TBL1XR1: variants seen among roughly 807,000 people sequenced by gnomAD.
The protein encoded by TBL1XR1 is TBL1X/Y related 1.
A neutral mutation model predicts 66.9 loss-of-function variants in TBL1XR1; 5 were observed. The observed-to-expected ratio is 0.07, with a 90% CI of 0.04 to 0.16. The LOEUF (loss-of-function observed/expected upper bound fraction) is 0.16, where lower values mean the gene tolerates loss of function less well. Ranked by LOEUF, TBL1XR1 falls within the 10% of genes least tolerant of loss-of-function variation. The pLI, the probability that TBL1XR1 is intolerant of heterozygous loss-of-function variation, is 1.00. For synonymous variants in TBL1XR1, 210 were observed against 206.0 expected, an observed-to-expected ratio of 1.02 and a Z score of -0.17; for missense variants, 238 against 623.2, an observed-to-expected ratio of 0.38 and a Z score of 6.58.
At chr3:177,174,753 A>G (rs1030714020) in intron 1 of TBL1XR1, among the ~76,000 whole-genome samples, 3 of 152,128 alleles carry the variant, frequency 2.0e-5, no homozygotes, top group Non-Finnish European at 2.9e-5. Flanking sequence ...TACCAGCTCA[A>G]CTTTCTCCCC....
chr3:177,092,441 A>G (rs1722953843), intron 2 of TBL1XR1, among the ~76,000 whole-genome samples: 1 of 152,188 alleles, frequency 6.6e-6, no homozygotes, highest in South Asian at 2.1e-4. Flanking sequence ...GACAAATAAA[A>G]GGGAAAAAAT....
intron 1 of TBL1XR1, among the ~76,000 whole-genome samples, chr3:177,119,898 A>G (rs1726776923): frequency 6.6e-6 from 1 of 152,190 alleles, no homozygotes; most frequent in Admixed American, 6.5e-5. Flanking sequence ...TAGTTACTTC[A>G]AATTTCAGGG....
In TBL1XR1 at chr3:177,065,035, C is replaced by A; in HGVS notation, c.-45-13G>T. ...ACAGGATATAACCCTAAAAATAAAA[C>A]AAAGTTAATTATTTTCTCAGTAAAA... On this transcript the variant is annotated splice_polypyrimidine_tract_variant and intron_variant, in intron 2 of 15. Coordinates refer to ENST00000457928, the MANE Select transcript of TBL1XR1 (RefSeq NM_024665.7). 1 of 1,355,266 alleles carries A rather than the reference C, an allele frequency of 7.4e-7. No individual in the cohort carries two copies. 84.0% of individuals were successfully genotyped at this position (1,355,266 alleles called of 1,614,324 possible). A position where few individuals can be genotyped will look rare whatever the true frequency, so the allele number is the denominator to read the frequency against.
At chr3:177,092,106 C>T (rs986862271) in intron 2 of TBL1XR1, among the ~76,000 whole-genome samples, 3 of 152,152 alleles carry the variant, frequency 2.0e-5, no homozygotes, top group Non-Finnish European at 2.9e-5. Context: ...AACGGTTTAG[C>T]GCTCCCATTG....
At chr3:177,061,782 T>C (rs1353469204) in intron 3 of TBL1XR1, among the ~76,000 whole-genome samples, 1 of 152,214 alleles carries the variant, frequency 6.6e-6, no homozygotes, top group Non-Finnish European at 1.5e-5. Flanking sequence ...TCAATAAGTA[T>C]CATTTGTAGG....
chr3:177,096,077 G>A (rs1723441581), intron 2 of TBL1XR1, among the ~76,000 whole-genome samples: 1 of 152,138 alleles, frequency 6.6e-6, no homozygotes, highest in South Asian at 2.1e-4. Context: ...AGAGGTAACT[G>A]TATATAATCC....
chr3:177,129,648 T>A (rs1308473105), intron 1 of TBL1XR1, among the ~76,000 whole-genome samples: 1 of 152,204 alleles, frequency 6.6e-6, no homozygotes, highest in Non-Finnish European at 1.5e-5. Flanking sequence ...CTTCACCATC[T>A]GTAGTCTGTA....
intron 2 of TBL1XR1, among the ~76,000 whole-genome samples, chr3:177,098,160 G>A (rs1185785585): frequency 3.3e-5 from 5 of 151,816 alleles, no homozygotes; most frequent in Admixed American, 6.6e-5. Flanking sequence ...TGCAGTGAGC[G>A]GAGATCACGC....
intron 1 of TBL1XR1, among the ~76,000 whole-genome samples, chr3:177,137,923 T>C (rs1366565504): frequency 2.6e-5 from 4 of 152,200 alleles, no homozygotes; most frequent in Non-Finnish European, 5.9e-5. Flanking sequence ...TGAGCTGTGA[T>C]CATACCACTG....
chr3:177,200,800 G>C (rs1285253995), upstream of TBL1XR1, among the ~76,000 whole-genome samples: 1 of 152,194 alleles, frequency 6.6e-6, no homozygotes, highest in Non-Finnish European at 1.5e-5. Flanking sequence ...GAGGTCGGGA[G>C]TTCAAGACCA....
At chr3:177,154,694 C>T (rs756310909) in intron 1 of TBL1XR1, among the ~76,000 whole-genome samples, 1 of 151,968 alleles carries the variant, frequency 6.6e-6, no homozygotes, top group Non-Finnish European at 1.5e-5. Context: ...CGCGCCCGGC[C>T]GACAGAACTT....
Position 177,114,246 on chromosome 3 carries a change from AC to A in TBL1XR1, c.-121-15706del, listed in dbSNP as rs980901457. On this transcript the variant is annotated intron_variant, in intron 1 of 15. Transcript: ENST00000457928. ...ATATACATACACATCATATATATAT[AC>A]ATCTCATATATATAATCATATATAT... Among the ~76,000 whole-genome samples, 285 of 151,350 alleles carry A rather than the reference AC, an allele frequency of 1.9e-3. 1 individual carries two copies. Among genetic ancestry groups the A allele is most frequent in the African/African-American group, 6.7e-3 (276 of 41,336 alleles).
At chr3:177,105,955 C>G (rs986368209) in intron 1 of TBL1XR1, among the ~76,000 whole-genome samples, 5 of 151,572 alleles carry the variant, frequency 3.3e-5, no homozygotes, top group African/African-American at 1.2e-4. Context: ...GAGAGGTGTT[C>G]AGAACTAGAG....
intron 1 of TBL1XR1, among the ~76,000 whole-genome samples, chr3:177,137,529 A>C (rs1440611041): frequency 6.6e-6 from 1 of 152,254 alleles, no homozygotes; most frequent in African/African-American, 2.4e-5. Context: ...AATTAAAAAT[A>C]AAATCAAACA....
intron 1 of TBL1XR1, among the ~76,000 whole-genome samples, chr3:177,135,192 G>C (rs1728786318): frequency 6.7e-6 from 1 of 149,628 alleles, no homozygotes; most frequent in South Asian, 2.1e-4. Context: ...AGTAGAGATG[G>C]GGTTTCGCCA....
At chr3:177,169,025 C>T (rs1248993174) in intron 1 of TBL1XR1, among the ~76,000 whole-genome samples, 11 of 151,830 alleles carry the variant, frequency 7.2e-5, no homozygotes, top group Non-Finnish European at 1.6e-4. Context: ...TTCTTGAATC[C>T]CTAAAGCTTG....
intron 1 of TBL1XR1, among the ~76,000 whole-genome samples, chr3:177,157,175 C>T (rs1276436880): frequency 6.6e-6 from 1 of 152,154 alleles, no homozygotes; most frequent in Non-Finnish European, 1.5e-5. Flanking sequence ...TGTCACTGTA[C>T]TCCAGCCTAA....
chr3:177,021,519 CCT>C lies in TBL1XR1; in HGVS notation c.*3977_*3978del, dbSNP rs1465063987. 6.6e-6 allele frequency: 1 copy of C among 152,480 alleles called. No individual in the cohort carries two copies. The highest frequency in any genetic ancestry group is 1.9e-4 in the East Asian group (1 of 5,200). The allele number at this position is 152,480 out of a possible 1,614,324, so 9.4% of individuals were successfully genotyped here. A position where few individuals can be genotyped will look rare whatever the true frequency, so the allele number is the denominator to read the frequency against. On this transcript the variant is annotated 3_prime_UTR_variant, in exon 16 of 16. Transcript: ENST00000457928. The stretch of plus-strand genomic sequence containing the variant: ...CAGTGTATTAAAAAAGTGAACACTT[CCT>C]CTTTCTTCTCTCTTCTACATTTAAC...
intron 1 of TBL1XR1, among the ~76,000 whole-genome samples, chr3:177,133,876 C>CAAAG: frequency 1.9e-5 from 2 of 105,758 alleles, no homozygotes; most frequent in African/African-American, 7.2e-5. Flanking sequence ...ACTCCTATCT[C>CAAAG]AAAAAAAAAA....
Sources: gnomAD v4.1 joint callset for allele counts (sites outside exome capture counted in the v4.1 genomes callset) on GRCh38, gnomAD v4.1.1 for gene constraint, MANE v1.5 for transcripts, NCBI Gene and HGNC (gene_info 2026-07-23, HGNC 2026-07-21) for gene names.